CSMD2: variants seen among roughly 807,000 people sequenced by gnomAD.
CSMD2 encodes CUB and sushi domain-containing protein 2.
A neutral mutation model predicts 398.5 loss-of-function variants in CSMD2; 130 were observed. That is an observed-to-expected ratio of 0.33 (90% confidence interval 0.28 to 0.38). The LOEUF (loss-of-function observed/expected upper bound fraction) is 0.38. CSMD2 is among the 10% of genes least tolerant of loss of function. CSMD2 has a pLI of 1.00. For missense variants in CSMD2, 3,829 were observed against 4,764.9 expected, an observed-to-expected ratio of 0.80 and a Z score of 5.78; for synonymous variants, 1,828 against 1,908.5, an observed-to-expected ratio of 0.96 and a Z score of 1.10.
intron 1 of CSMD2, among the ~76,000 whole-genome samples, chr1:34,097,622 C>G: frequency 2.7e-5 from 3 of 110,160 alleles, no homozygotes; most frequent in African/African-American, 7.0e-5. Flanking sequence ...AGACACTTCT[C>G]AAAAGAAGAC....
chr1:33,676,307 C>T (rs1434828388), intron 25 of CSMD2, among the ~76,000 whole-genome samples: 1 of 152,154 alleles, frequency 6.6e-6, no homozygotes, highest in Non-Finnish European at 1.5e-5. Flanking sequence ...CATTCCTATA[C>T]ACCAATAACA....
chr1:33,911,955 G>C (rs1481710676), intron 5 of CSMD2, among the ~76,000 whole-genome samples: 2 of 152,214 alleles, frequency 1.3e-5, no homozygotes, highest in East Asian at 3.9e-4. Context: ...CTAGGCAGAA[G>C]CCCTAGAAGA....
chr1:33,711,618 C>T (rs1056955955), intron 21 of CSMD2, among the ~76,000 whole-genome samples: 11 of 152,190 alleles, frequency 7.2e-5, no homozygotes, highest in Admixed American at 6.5e-5. Flanking sequence ...ATATGGGAAG[C>T]GTGCATTAGC....
intron 15 of CSMD2, among the ~76,000 whole-genome samples, chr1:33,730,604 T>G (rs965189321): frequency 7.3e-6 from 1 of 136,114 alleles, no homozygotes; most frequent in Non-Finnish European, 1.5e-5. Flanking sequence ...CTTAATAGGA[T>G]ACAAAAAGAA....
chr1:34,017,276 A>G (rs980095970), intron 3 of CSMD2, among the ~76,000 whole-genome samples: 1 of 152,220 alleles, frequency 6.6e-6, no homozygotes, highest in African/African-American at 2.4e-5. Context: ...TTTCCATTGG[A>G]CATTGTTCTA....
chr1:33,930,825 C>G (rs1644289287), intron 4 of CSMD2, among the ~76,000 whole-genome samples: 1 of 152,178 alleles, frequency 6.6e-6, no homozygotes, highest in African/African-American at 2.4e-5. Flanking sequence ...CTGGACCAAG[C>G]CTTGATGGGT....
At chr1:33,964,070 T>C (rs952723873) in intron 3 of CSMD2, among the ~76,000 whole-genome samples, 3 of 152,180 alleles carry the variant, frequency 2.0e-5, no homozygotes, top group African/African-American at 7.2e-5. Context: ...GTGCAGATTT[T>C]TAAAAGATCC....
chr1:33,923,692 T>C (rs1235552362), intron 4 of CSMD2, among the ~76,000 whole-genome samples: 1 of 152,212 alleles, frequency 6.6e-6, no homozygotes, highest in Non-Finnish European at 1.5e-5. Context: ...TTGTTTTAAC[T>C]ATAGTCACCA....
intron 1 of CSMD2, among the ~76,000 whole-genome samples, chr1:34,121,856 A>G (rs1662218207): frequency 6.6e-6 from 1 of 151,804 alleles, no homozygotes; most frequent in African/African-American, 2.4e-5. Context: ...CCCTTTCTCC[A>G]CAACCTCAGG....
chr1:33,653,602 G>T (rs1643870693), intron 27 of CSMD2, among the ~76,000 whole-genome samples: 1 of 152,112 alleles, frequency 6.6e-6, no homozygotes, highest in African/African-American at 2.4e-5. Context: ...GGGAGAAAGT[G>T]GCCAGGTGAC....
intron 2 of CSMD2, among the ~76,000 whole-genome samples, chr1:34,054,001 A>G (rs1430018769): frequency 6.6e-6 from 1 of 152,192 alleles, no homozygotes; most frequent in African/African-American, 2.4e-5. Flanking sequence ...ATAATTTCAG[A>G]TTTATATAAA....
intron 11 of CSMD2, among the ~76,000 whole-genome samples, chr1:33,791,013 AT>A (rs1479430184): frequency 1.2e-4 from 19 of 152,218 alleles, no homozygotes; most frequent in African/African-American, 4.3e-4. Flanking sequence ...GTACCATTGG[AT>A]AAGATGAGTC....
chr1:33,919,990 C>T (rs1218348734), intron 4 of CSMD2, among the ~76,000 whole-genome samples: 1 of 152,108 alleles, frequency 6.6e-6, no homozygotes, highest in Admixed American at 6.5e-5. Flanking sequence ...AAATAATTAA[C>T]TCTATAGTAA....
At chr1:33,942,984 C>T (rs1163035274) in intron 3 of CSMD2, among the ~76,000 whole-genome samples, 1 of 152,170 alleles carries the variant, frequency 6.6e-6, no homozygotes, top group Admixed American at 6.5e-5. Flanking sequence ...CTTGCCCTCT[C>T]CAGTGCATTG....
At chr1:34,027,360 T>C (rs1247773175) in intron 3 of CSMD2, among the ~76,000 whole-genome samples, 1 of 152,178 alleles carries the variant, frequency 6.6e-6, no homozygotes, top group Non-Finnish European at 1.5e-5. Context: ...TCCATGAAAC[T>C]GACTTGTAAC....
intron 2 of CSMD2, among the ~76,000 whole-genome samples, chr1:34,041,825 G>T (rs913257582): frequency 2.0e-5 from 3 of 152,174 alleles, no homozygotes; most frequent in Non-Finnish European, 4.4e-5. Flanking sequence ...CAGGACAGAG[G>T]CTCCAGAGAG....
chr1:33,804,592 C>A lies in CSMD2; in HGVS notation c.1446+6151G>T, dbSNP rs74593264. Among the ~76,000 whole-genome samples, 579 of 151,746 alleles carry A rather than the reference C, an allele frequency of 3.8e-3. 14 individuals carry two copies. The East Asian group carries it at 0.042, about 11-fold the overall frequency. On this transcript the variant is annotated intron_variant, in intron 10 of 70. Coordinates refer to ENST00000373381, the MANE Select transcript of CSMD2 (RefSeq NM_001281956.2). ...CAGACCTGTTCTTCACTCTTACGTG[C>A]ACACTCCTCAAGGGCAGAGGCCATA... is the stretch of plus-strand genomic sequence containing the variant.
At chr1:33,907,611 C>T (rs894512845) in intron 5 of CSMD2, among the ~76,000 whole-genome samples, 6 of 152,130 alleles carry the variant, frequency 3.9e-5, no homozygotes, top group Admixed American at 2.0e-4. Context: ...CATGAAGCCA[C>T]CTCATTTTGT....
chr1:33,717,138 C>T (rs1646198848), intron 19 of CSMD2, among the ~76,000 whole-genome samples: 1 of 151,934 alleles, frequency 6.6e-6, no homozygotes, highest in Admixed American at 6.6e-5. Flanking sequence ...CTGTCAATTC[C>T]AGGTTTGTTG....
Sources: gnomAD v4.1 joint callset for allele counts (sites outside exome capture counted in the v4.1 genomes callset) on GRCh38, gnomAD v4.1.1 for gene constraint, MANE v1.5 for transcripts, NCBI Gene and HGNC (gene_info 2026-07-23, HGNC 2026-07-21) for gene names.